Variants in CFAP20DC observed in about 807,000 individuals in gnomAD.
CFAP20DC encodes protein CFAP20DC.
CFAP20DC carries 84 observed loss-of-function variants against 101.7 expected under a neutral mutation model. That is an observed-to-expected ratio of 0.83 (90% CI 0.69 to 0.99). CFAP20DC has a LOEUF of 0.99. Ranked by LOEUF, CFAP20DC falls within the 50% of genes least tolerant of loss-of-function variation. CFAP20DC has a pLI of 0.00. For missense variants in CFAP20DC, 1,007 were observed against 970.3 expected (o/e 1.04, Z -0.50); for synonymous variants, 359 against 351.2 (o/e 1.02, Z -0.25).
At chr3:58,796,977 T>C (rs2073304290) in intron 15 of CFAP20DC, among the ~76,000 whole-genome samples, 2 of 152,194 alleles carry the variant, frequency 1.3e-5, no homozygotes, top group South Asian at 2.1e-4. Flanking sequence ...ATGCGGTTTG[T>C]ATTCTGACTA....
At chr3:58,938,640 T>C (rs565156577) in intron 4 of CFAP20DC, among the ~76,000 whole-genome samples, 2 of 152,348 alleles carry the variant, frequency 1.3e-5, no homozygotes, top group South Asian at 4.1e-4. Context: ...CGCATCATTG[T>C]CAATATTTAT....
intron 15 of CFAP20DC, among the ~76,000 whole-genome samples, chr3:58,758,664 ATCT>A (rs2069199899): frequency 6.6e-6 from 1 of 152,034 alleles, no homozygotes; most frequent in Non-Finnish European, 1.5e-5. Context: ...CATTAGGTAT[ATCT>A]CCTAATGCTA....
At chr3:58,845,894 CA>C (rs1470261652) in intron 13 of CFAP20DC, among the ~76,000 whole-genome samples, 1 of 149,984 alleles carries the variant, frequency 6.7e-6, no homozygotes, top group Non-Finnish European at 1.5e-5. Flanking sequence ...AGCATATAAA[CA>C]GAGCCAAAGA....
chr3:58,720,172 C>A (rs140239542), intron 3 of CFAP20DC, among the ~76,000 whole-genome samples: 56 of 152,330 alleles, frequency 3.7e-4, no homozygotes, highest in Non-Finnish European at 7.3e-4. Context: ...TTGGATTCCC[C>A]ACTAGAATGT....
intron 14 of CFAP20DC, among the ~76,000 whole-genome samples, chr3:58,817,831 A>G (rs2075313342): frequency 6.6e-6 from 1 of 152,014 alleles, no homozygotes; most frequent in South Asian, 2.1e-4. Flanking sequence ...TTCAAGACAC[A>G]TAATTGTCAG....
chr3:59,036,478 T>A (rs1322449023), intron 4 of CFAP20DC, among the ~76,000 whole-genome samples: 1 of 152,084 alleles, frequency 6.6e-6, no homozygotes, highest in Non-Finnish European at 1.5e-5. Context: ...GCAAAAATCA[T>A]AAGCACTCCT....
chr3:58,817,398 T>C (rs1159220242), intron 14 of CFAP20DC, among the ~76,000 whole-genome samples: 1 of 149,862 alleles, frequency 6.7e-6, no homozygotes, highest in Non-Finnish European at 1.5e-5. Context: ...TCGAAAAAAA[T>C]TTAGAAGAAT....
chr3:58,871,874 T>C (rs2080255511), intron 7 of CFAP20DC, among the ~76,000 whole-genome samples: 1 of 152,040 alleles, frequency 6.6e-6, no homozygotes, highest in African/African-American at 2.4e-5. Flanking sequence ...GTTTCAGCCA[T>C]TTCCTGGCCC....
At position 59,049,755 on chromosome 3, in the gene CFAP20DC, T is replaced by A. The variant is rs200107387; in HGVS notation, c.-124A>T. ...GCCCGACGGGTGGGAAAGGGCTTCG[T>A]GCTTGGCCCAGACTTGGGCAGGCTC... On this transcript the variant is annotated 5_prime_UTR_variant, in exon 1 of 17. Coordinates refer to ENST00000482387, the MANE Select transcript of CFAP20DC (RefSeq NM_001394063.1). 2.5e-6 allele frequency: 3 copies of A among 1,219,076 alleles called. No individual in the cohort carries two copies. The East Asian group carries it at 7.6e-5, about 31-fold the overall frequency. 75.5% of individuals were successfully genotyped at this position (1,219,076 alleles called of 1,614,324 possible). A position where few individuals can be genotyped will look rare whatever the true frequency, so the allele number is the denominator to read the frequency against.
chr3:58,941,670 G>A (rs1297607491), intron 4 of CFAP20DC, among the ~76,000 whole-genome samples: 3 of 151,792 alleles, frequency 2.0e-5, no homozygotes, highest in Non-Finnish European at 2.9e-5. Context: ...CTGGGTTCAC[G>A]CCATTCTCCT....
At chr3:58,855,868 G>T (rs536146997) in intron 12 of CFAP20DC, among the ~76,000 whole-genome samples, 1 of 150,274 alleles carries the variant, frequency 6.7e-6, no homozygotes, top group African/African-American at 2.4e-5. Context: ...ATAGCATTGG[G>T]AGATATACCT....
chr3:59,041,427 A>G (rs1045882378), intron 3 of CFAP20DC, among the ~76,000 whole-genome samples: 6 of 151,378 alleles, frequency 4.0e-5, no homozygotes, highest in Non-Finnish European at 8.9e-5. Context: ...ATGATCTGAC[A>G]AAAAAAAAGT....
At chr3:58,756,973 C>G (rs917169807) in intron 15 of CFAP20DC, among the ~76,000 whole-genome samples, 2 of 152,030 alleles carry the variant, frequency 1.3e-5, no homozygotes, top group African/African-American at 4.8e-5. Context: ...TATGTTTGAG[C>G]ATGTTTTCAA....
At chr3:58,910,456 A>G (rs1024475462) in intron 6 of CFAP20DC, among the ~76,000 whole-genome samples, 1 of 152,156 alleles carries the variant, frequency 6.6e-6, no homozygotes, top group African/African-American at 2.4e-5. Context: ...ATCATCTAAC[A>G]TTGCTATTAA....
chr3:58,853,962 A>C (rs1248097641), intron 12 of CFAP20DC, among the ~76,000 whole-genome samples: 1 of 151,886 alleles, frequency 6.6e-6, no homozygotes, highest in African/African-American at 2.4e-5. Flanking sequence ...CCTATTCAAC[A>C]TAGTGTTGGA....
intron 4 of CFAP20DC, among the ~76,000 whole-genome samples, chr3:58,941,454 C>G (rs2107841227): frequency 6.6e-6 from 1 of 150,626 alleles, no homozygotes; most frequent in East Asian, 2.0e-4. Flanking sequence ...TTAATTCACT[C>G]TTGAGTTCCA....
chr3:58,962,380 A>G (rs2091214400), intron 4 of CFAP20DC, among the ~76,000 whole-genome samples: 1 of 152,164 alleles, frequency 6.6e-6, no homozygotes, highest in Admixed American at 6.5e-5. Flanking sequence ...CAGATAACAT[A>G]CTTTGTATAA....
At chr3:58,802,617 A>C (rs1326855332) in intron 15 of CFAP20DC, among the ~76,000 whole-genome samples, 1 of 152,244 alleles carries the variant, frequency 6.6e-6, no homozygotes, top group Non-Finnish European at 1.5e-5. Context: ...GAATATGATT[A>C]AGTGAACCAT....
In CFAP20DC at chr3:58,861,400, CT is replaced by C; in HGVS notation, c.1593+2157del. On this transcript the variant is annotated intron_variant, in intron 12 of 16. Transcript: ENST00000482387. This position sits in a 1 kb window ranked among gnomAD's most constrained non-coding sequence, Gnocchi z 4.0. ...ATAATGCAATTAATAGTAAGGATGC[CT>C]TAATTAACTAAACTGATTTTTCTTC... is the stretch of plus-strand genomic sequence containing the variant. 1.3e-6 allele frequency: 1 copy of C among 795,120 alleles called. No homozygotes were observed. The highest frequency in any genetic ancestry group is 1.5e-6 in the Non-Finnish European group (1 of 656,782). The allele number at this position is 795,120 out of a possible 1,614,324, so 49.3% of individuals were successfully genotyped here. A position where few individuals can be genotyped will look rare whatever the true frequency, so the allele number is the denominator to read the frequency against.
Sources: allele counts gnomAD v4.1 joint callset (sites outside exome capture counted in the v4.1 genomes callset), GRCh38; gene constraint gnomAD v4.1.1; non-coding constraint Gnocchi (gnomAD v3.1); transcripts MANE v1.5; gene names NCBI Gene and HGNC (gene_info 2026-07-23, HGNC 2026-07-21).